Variants in RNF38 observed in about 807,000 individuals in gnomAD.
RNF38 encodes the protein E3 ubiquitin-protein ligase RNF38.
A neutral mutation model predicts 67.2 loss-of-function variants in RNF38; 15 were observed. The ratio of observed to expected loss-of-function variants is 0.22; its 90% CI spans 0.15 to 0.34. The LOEUF (loss-of-function observed/expected upper bound fraction) is 0.34, where lower values mean the gene tolerates loss of function less well. Ranked by LOEUF, RNF38 falls within the 10% of genes least tolerant of loss-of-function variation. The pLI is 1.00. For missense variants in RNF38, 524 were observed against 639.9 expected (o/e 0.82, Z 1.95); for synonymous variants, 220 against 218.8 (o/e 1.01, Z -0.05).
intron 2 of RNF38, among the ~76,000 whole-genome samples, chr9:36,406,426 A>G (rs1838184375): frequency 6.6e-6 from 1 of 152,228 alleles, no homozygotes; most frequent in African/African-American, 2.4e-5. Context: ...ACATCCAAGT[A>G]TCCCTACTAT....
upstream of RNF38, chr9:36,400,766 G>A (rs1045590044): frequency 2.0e-6 from 2 of 985,464 alleles, no homozygotes; most frequent in Non-Finnish European, 2.4e-6. Context: ...AGGAAACGAC[G>A]GCTGCACGCC....
rs1833109606 is a variant in RNF38, at chr9:36,344,962, G to A, written c.1264-9C>T. 3 of 1,596,930 alleles carry A rather than the reference G, an allele frequency of 1.9e-6. No individual in the cohort carries two copies. Among genetic ancestry groups the A allele is most frequent in the African/African-American group, 2.7e-5 (2 of 74,214 alleles). ...GCCAGGTTTAACAGGGCCTGCAGCG[G>A]TAAAAGACGACATATTTTCATCTAT... On this transcript the variant is annotated splice_polypyrimidine_tract_variant and intron_variant, in intron 9 of 11. Coordinates refer to ENST00000259605, the MANE Select transcript of RNF38 (RefSeq NM_022781.5).
intron 2 of RNF38, among the ~76,000 whole-genome samples, chr9:36,383,948 A>G (rs561128608): frequency 9.8e-5 from 15 of 152,304 alleles, no homozygotes; most frequent in Middle Eastern, 6.8e-3. Flanking sequence ...ATCATTGGCT[A>G]TAACTGCTAG....
In RNF38 at chr9:36,390,582, C is replaced by G; in HGVS notation, c.47G>C (p.Gly16Ala). 1 of 1,613,952 alleles carries G rather than the reference C, an allele frequency of 6.2e-7. No homozygotes were observed. The highest frequency in any genetic ancestry group is 8.5e-7 in the Non-Finnish European group (1 of 1,179,972). ...TTCACAAATCACCTTGTTAGGATGGCCAGGTAGAGATGCTGAATTGGCCCC... is the reference window on the plus strand; with the variant it reads ...TTCACAAATCACCTTGTTAGGATGGGCAGGTAGAGATGCTGAATTGGCCCC... ...SPGANSASLP[G>A]HPNKVICERV... The change falls in exon 2 of 12, where the codon GGC (glycine) becomes GCC (alanine). Residue 16 changes from glycine to alanine, a missense_variant. Physicochemically the swap from Gly to Ala is moderately conservative, Grantham distance 60 (BLOSUM62 0). This residue lies in a region of RNF38 where 461 missense variants were observed against 517.4 expected (regional missense o/e 0.89). Transcript: ENST00000259605.
chr9:36,412,837 C>T (rs957713435), intron 2 of RNF38, among the ~76,000 whole-genome samples: 2 of 151,966 alleles, frequency 1.3e-5, no homozygotes, highest in Non-Finnish European at 2.9e-5. Flanking sequence ...CTTTGGGAGG[C>T]CAAGGCGGGT....
At chr9:36,422,439 A>AAC (rs1554693913) in intron 2 of RNF38, among the ~76,000 whole-genome samples, 5 of 152,088 alleles carry the variant, frequency 3.3e-5, no homozygotes, top group African/African-American at 1.2e-4. Context: ...CAAAAAAAAA[A>AAC]AAACAGGAGA....
At chr9:36,396,627 G>A (rs1161634959) in intron 1 of RNF38, among the ~76,000 whole-genome samples, 3 of 152,100 alleles carry the variant, frequency 2.0e-5, no homozygotes, top group Admixed American at 6.5e-5. Context: ...ACTGCAAACA[G>A]GAATGGGACT....
chr9:36,428,145 G>A (rs760709132), intron 1 of RNF38, among the ~76,000 whole-genome samples: 1 of 152,030 alleles, frequency 6.6e-6, no homozygotes, highest in Non-Finnish European at 1.5e-5. Context: ...GGCCAGGCGC[G>A]GTGGCTCATG....
intron 1 of RNF38, among the ~76,000 whole-genome samples, chr9:36,440,576 T>C (rs1839170494): frequency 6.6e-6 from 1 of 150,800 alleles, no homozygotes; most frequent in African/African-American, 2.4e-5. Context: ...GTTACTGACA[T>C]GGAAAAGTTA....
At chr9:36,399,217 G>A (rs1194643720) in intron 1 of RNF38, among the ~76,000 whole-genome samples, 1 of 152,102 alleles carries the variant, frequency 6.6e-6, no homozygotes, top group African/African-American at 2.4e-5. Context: ...CAACAAGTAT[G>A]GAAATACGAA....
At chr9:36,455,500 T>C (rs1364308897) in intron 1 of RNF38, among the ~76,000 whole-genome samples, 1 of 152,044 alleles carries the variant, frequency 6.6e-6, no homozygotes, top group African/African-American at 2.4e-5. Context: ...TGCACTCATT[T>C]AGCTGGACGC....
intron 1 of RNF38, among the ~76,000 whole-genome samples, chr9:36,393,602 G>A (rs1316670490): frequency 2.6e-5 from 4 of 151,366 alleles, no homozygotes; most frequent in Admixed American, 6.6e-5. Context: ...CCCCATGTGC[G>A]CAGGCAGGGC....
chr9:36,436,631 G>C (rs1839071543), intron 1 of RNF38, among the ~76,000 whole-genome samples: 1 of 151,968 alleles, frequency 6.6e-6, no homozygotes, highest in African/African-American at 2.4e-5. Context: ...AGACCATCCT[G>C]GCTAACAAGG....
intron 1 of RNF38, among the ~76,000 whole-genome samples, chr9:36,445,592 A>G (rs1159698213): frequency 6.6e-6 from 1 of 152,236 alleles, no homozygotes; most frequent in Admixed American, 6.5e-5. Flanking sequence ...AGAGTGAAAC[A>G]GTCCATGCTA....
chr9:36,339,573 A>C lies in RNF38; in HGVS notation c.*179T>G, dbSNP rs1174560441. 7.0e-6 allele frequency: 4 copies of C among 567,446 alleles called. No homozygotes were observed. The highest frequency in any genetic ancestry group is 1.3e-5 in the Non-Finnish European group (4 of 315,308). 35.2% of individuals were successfully genotyped at this position (567,446 alleles called of 1,614,324 possible). The stretch of plus-strand genomic sequence containing the variant: ...ATCACACGGTTAGTATAACAATCCC[A>C]TAACTGTGAAGACTAATTGTAAGCT... On this transcript the variant is annotated 3_prime_UTR_variant, in exon 12 of 12. Transcript: ENST00000259605.
intron 1 of RNF38, among the ~76,000 whole-genome samples, chr9:36,425,191 C>T (rs1587114776): frequency 6.6e-6 from 1 of 152,130 alleles, no homozygotes; most frequent in African/African-American, 2.4e-5. Context: ...TTAAAAACTA[C>T]CTTCCAATAA....
intron 1 of RNF38, among the ~76,000 whole-genome samples, chr9:36,432,242 C>T (rs1441154701): frequency 6.6e-6 from 1 of 151,924 alleles, no homozygotes; most frequent in Admixed American, 6.6e-5. Context: ...TCAAGTAAAT[C>T]TCCTGCCTCA....
intron 1 of RNF38, among the ~76,000 whole-genome samples, chr9:36,461,179 C>T (rs1005744405): frequency 3.9e-5 from 6 of 152,154 alleles, no homozygotes; most frequent in Non-Finnish European, 8.8e-5. Context: ...TGCACCACTG[C>T]ACTGCACTCC....
chr9:36,447,670 C>T (rs1461429946), intron 1 of RNF38, among the ~76,000 whole-genome samples: 1 of 152,062 alleles, frequency 6.6e-6, no homozygotes, highest in Non-Finnish European at 1.5e-5. Flanking sequence ...CTTCAGCTGT[C>T]TTAGGATACT....
Sources: allele counts gnomAD v4.1 joint callset (sites outside exome capture counted in the v4.1 genomes callset), GRCh38; gene constraint gnomAD v4.1.1; regional missense constraint gnomAD v4.1.1; transcripts MANE v1.5; gene names NCBI Gene and HGNC (gene_info 2026-07-23, HGNC 2026-07-21).